The following MME variants were observed in gnomAD, a reference collection of about 807,000 sequenced individuals.
The protein encoded by MME is membrane metalloendopeptidase.
Under a neutral mutation model 113.2 loss-of-function variants are expected in MME, and 98 were observed. That is an observed-to-expected ratio of 0.87 (90% CI 0.74 to 1.02). The LOEUF (loss-of-function observed/expected upper bound fraction) is 1.02, where lower values mean the gene tolerates loss of function less well. MME is among the 50% of genes least tolerant of loss of function. The probability of loss-of-function intolerance (pLI) is 0.00; values close to 1 mark genes in which losing one functional copy is unlikely to be tolerated. For synonymous variants in MME, 292 were observed against 300.6 expected (o/e 0.97, Z 0.30); for missense variants, 836 against 896.0 (o/e 0.93, Z 0.86).
intron 7 of MME, 44 bp from the exon 8 acceptor site, chr3:155,118,702 T>C: frequency 7.8e-7 from 1 of 1,278,108 alleles, no homozygotes; most frequent in South Asian, 1.3e-5. Context: ...AACTTTTCTA[T>C]ATTCACTGAA....
chr3:155,055,340 C>T (rs143912580), intron 1 of MME, among the ~76,000 whole-genome samples: 2,820 of 152,216 alleles, frequency 0.019, 91 homozygotes, highest in African/African-American at 0.065. Flanking sequence ...GCTCATGCCT[C>T]TAATCCCAGC....
chr3:155,093,220 T>C (rs971136200), intron 3 of MME, among the ~76,000 whole-genome samples: 1 of 152,160 alleles, frequency 6.6e-6, no homozygotes, highest in African/African-American at 2.4e-5. Context: ...TTCAATGTAG[T>C]TTTCAAATCT....
rs777055350 is a variant in MME, at chr3:155,168,577, G to A, written c.1866G>A (p.Met622Ile). Reference sequence around the variant, plus strand: ...ACTTTAAGGAGCAATCCCAGTGCATGGTGTATCAGTATGGAAACTTTTCCT... The same window carrying A: ...ACTTTAAGGAGCAATCCCAGTGCATAGTGTATCAGTATGGAAACTTTTCCT... ...ASNFKEQSQC[M>I]VYQYGNFSWD... The change falls in exon 19 of 23, where the codon ATG becomes ATA. Residue 622 changes from methionine to isoleucine, a missense_variant. By Grantham distance (10) the Met-to-Ile change is conservative. Transcript: ENST00000360490. 11 of 1,613,794 alleles carry A rather than the reference G, an allele frequency of 6.8e-6. No homozygotes were observed. Among genetic ancestry groups the A allele is most frequent in the Non-Finnish European group, 9.3e-6 (11 of 1,179,808 alleles).
intron 1 of MME, among the ~76,000 whole-genome samples, chr3:155,063,956 A>G (rs1054015212): frequency 6.6e-6 from 1 of 150,984 alleles, no homozygotes; most frequent in African/African-American, 2.5e-5. Flanking sequence ...ATGTGGTGGT[A>G]TGGGTGGTAG....
chr3:155,181,786 C>T lies in MME; in HGVS notation c.*1327C>T, dbSNP rs1415945602. ...TTGTATTGACTATTTTCGTTCATTA[C>T]TTGATTAAGATTTTACAAAAGAGGA... is the stretch of plus-strand genomic sequence containing the variant. On this transcript the variant is annotated 3_prime_UTR_variant, in exon 23 of 23. Coordinates refer to ENST00000360490, the MANE Select transcript of MME (RefSeq NM_007289.4). The T allele has an allele frequency of 6.6e-6, 1 of 152,026 alleles. No homozygotes were observed. Among genetic ancestry groups the T allele is most frequent in the Non-Finnish European group, 1.5e-5 (1 of 68,010 alleles). The allele number at this position is 152,026 out of a possible 1,614,324, so 9.4% of individuals were successfully genotyped here. A position where few individuals can be genotyped will look rare whatever the true frequency, so the allele number is the denominator to read the frequency against.
chr3:155,025,623 C>CAAA lies in MME; in HGVS notation c.-11+1311_-11+1313dup, dbSNP rs565613508. Among the ~76,000 whole-genome samples the CAAA allele has an allele frequency of 2.2e-3, 166 of 74,042 alleles. 2 individuals are homozygous for CAAA. The highest frequency in any genetic ancestry group is 7.5e-3 in the African/African-American group (164 of 21,798). 48.6% of individuals were successfully genotyped at this position (74,042 alleles called of 152,430 possible). A position where few individuals can be genotyped will look rare whatever the true frequency, so the allele number is the denominator to read the frequency against. On this transcript the variant is annotated intron_variant, in intron 1 of 22. Coordinates refer to the MME transcript ENST00000492661. ...TGGGAGACAGAGCGAGACCCTGTCT[C>CAAA]AAAAAAAAAAAAAAGTAGAGACAAA...
intron 16 of MME, among the ~76,000 whole-genome samples, chr3:155,157,526 TAC>T (rs1274216817): frequency 8.5e-5 from 13 of 152,314 alleles, no homozygotes; most frequent in African/African-American, 2.6e-4. Context: ...CAAAAGAACT[TAC>T]AGTTTTTGTT....
chr3:155,087,005 G>GTTTTTTTT (rs5853712), intron 3 of MME, among the ~76,000 whole-genome samples: 1 of 140,902 alleles, frequency 7.1e-6, no homozygotes. Context: ...GTTTTTTTTT[G>GTTTTTTTT]TTTTTTTTTT....
intron 8 of MME, among the ~76,000 whole-genome samples, chr3:155,133,678 A>G (rs376676711): frequency 0.064 from 9,162 of 144,108 alleles, 402 homozygotes; most frequent in East Asian, 0.17. Context: ...ATATATATAT[A>G]TATATATATA....
At chr3:155,092,065 CAG>C (rs1162784748) in intron 3 of MME, among the ~76,000 whole-genome samples, 1 of 152,168 alleles carries the variant, frequency 6.6e-6, no homozygotes, top group East Asian at 1.9e-4. Context: ...CCAGAAGAAA[CAG>C]AGGATTTCCC....
intron 3 of MME, among the ~76,000 whole-genome samples, chr3:155,105,651 T>C (rs561527333): frequency 6.6e-6 from 1 of 152,320 alleles, no homozygotes; most frequent in African/African-American, 2.4e-5. Context: ...ACCCACTGCA[T>C]TATCCTTTGC....
At chr3:155,052,973 G>A (rs910805434) in intron 1 of MME, among the ~76,000 whole-genome samples, 6 of 152,088 alleles carry the variant, frequency 3.9e-5, no homozygotes, top group Admixed American at 2.6e-4. Context: ...TCTAGGGCAG[G>A]AGCAAAATGC....
intron 3 of MME, among the ~76,000 whole-genome samples, chr3:155,092,321 A>G (rs1424518820): frequency 6.6e-6 from 1 of 152,246 alleles, no homozygotes; most frequent in East Asian, 1.9e-4. Flanking sequence ...ACAGTGAAAA[A>G]GATAGTTCCA....
At chr3:155,148,772 T>C (rs1721714230) in intron 16 of MME, 119 bp downstream of exon 16, 2 of 746,048 alleles carry the variant, frequency 2.7e-6, no homozygotes, top group Non-Finnish European at 4.7e-6. Flanking sequence ...AAGTCCTCTT[T>C]TTATTGAGAA....
chr3:155,046,372 T>C lies in MME; in HGVS notation c.-11+22048T>C, dbSNP rs571070009. Among the ~76,000 whole-genome samples the C allele has an allele frequency of 9.9e-5, 15 of 152,258 alleles. No homozygotes were observed. The East Asian group carries it at 2.9e-3, about 29-fold the overall frequency. On this transcript the variant is annotated intron_variant, in intron 1 of 22. Transcript: ENST00000492661. ...AGATTGCATATATGAGGGTGGCCCA[T>C]AAGATGATAATGGAGATAAAATTTC...
At chr3:155,137,956 C>A in intron 8 of MME, 146 bp from the exon 9 acceptor site, 1 of 879,308 alleles carries the variant, frequency 1.1e-6, no homozygotes, top group Non-Finnish European at 1.8e-6. Flanking sequence ...CTGTGCAGGT[C>A]ATTTCTTTAA....
At chr3:155,079,805 C>G (rs1359219169), upstream of MME, 2 of 152,506 alleles carry the variant, frequency 1.3e-5, no homozygotes, top group Non-Finnish European at 2.9e-5. Context: ...TGCCTCGTCG[C>G]CCCACGGCCC....
chr3:155,088,652 C>T (rs758613000), intron 3 of MME, among the ~76,000 whole-genome samples: 12 of 130,922 alleles, frequency 9.2e-5, no homozygotes, highest in Admixed American at 2.7e-4. Flanking sequence ...CATTGCACTA[C>T]AGCCTGGGCA....
At chr3:155,081,608 A>C (rs1386847202) in intron 1 of MME, 1 of 146,872 alleles carries the variant, frequency 6.8e-6, no homozygotes, top group Non-Finnish European at 1.5e-5. Context: ...TATAAGCCTC[A>C]ACTTGGTATT....
Sources: allele counts gnomAD v4.1 joint callset (sites outside exome capture counted in the v4.1 genomes callset), GRCh38; gene constraint gnomAD v4.1.1; transcripts MANE v1.5; gene names NCBI Gene and HGNC (gene_info 2026-07-23, HGNC 2026-07-21).